CCNY: variants seen among roughly 807,000 people sequenced by gnomAD.
CCNY encodes cyclin-Y.
In CCNY, 19 loss-of-function variants were observed where a neutral mutation model predicts 42.8. The ratio of observed to expected loss-of-function variants is 0.44; its 90% CI spans 0.31 to 0.65. CCNY has a LOEUF of 0.65. Among genes scored for constraint, CCNY ranks in the 30% least tolerant of loss-of-function variants. The probability of loss-of-function intolerance (pLI) is 0.07; values close to 1 mark genes in which losing one functional copy is unlikely to be tolerated. For synonymous variants in CCNY, 165 were observed against 162.7 expected (o/e 1.01, Z -0.11); for missense variants, 370 against 437.3 (o/e 0.85, Z 1.37).
chr10:35,300,827 G>A (rs1056098705), intron 3 of CCNY, among the ~76,000 whole-genome samples: 2 of 151,934 alleles, frequency 1.3e-5, no homozygotes, highest in African/African-American at 4.8e-5. Flanking sequence ...TTTTTGAGAT[G>A]GAGTTTTGCT....
At chr10:35,457,362 A>G (rs1286221033) in intron 1 of CCNY, among the ~76,000 whole-genome samples, 1 of 151,988 alleles carries the variant, frequency 6.6e-6, no homozygotes, top group Non-Finnish European at 1.5e-5. Context: ...TTGTGGTCAT[A>G]TTGTCCACAG....
At position 35,433,530 on chromosome 10, in the gene CCNY, TGTTA is replaced by T. The variant is rs1475251050; in HGVS notation, c.155-49869_155-49866del. ...TGTTCCAAAGTAGAAAAATTAGATATGTTAGTTATTGTAAATAAAAAGATAAAAA... is the reference window on the plus strand; with the variant it reads ...TGTTCCAAAGTAGAAAAATTAGATATGTTATTGTAAATAAAAAGATAAAAA... On this transcript the variant is annotated intron_variant, in intron 1 of 9. Transcript: ENST00000374704. Among the ~76,000 whole-genome samples the T allele has an allele frequency of 2.6e-4, 40 of 152,330 alleles. No homozygotes were observed. In the Middle Eastern group the frequency reaches 0.01, roughly 39 times the overall value.
At chr10:35,520,419 A>C (rs1840524049) in intron 4 of CCNY, among the ~76,000 whole-genome samples, 1 of 151,990 alleles carries the variant, frequency 6.6e-6, no homozygotes, top group Non-Finnish European at 1.5e-5. Flanking sequence ...GTCCTCTTGC[A>C]CCCTACTCCA....
intron 3 of CCNY, among the ~76,000 whole-genome samples, chr10:35,255,160 T>C (rs929360426): frequency 2.0e-5 from 3 of 152,150 alleles, no homozygotes; most frequent in African/African-American, 7.2e-5. Context: ...AATCGTCTAT[T>C]TCCTTACTTA....
intron 3 of CCNY, among the ~76,000 whole-genome samples, chr10:35,254,586 A>C (rs2095714179): frequency 6.6e-6 from 1 of 152,076 alleles, no homozygotes; most frequent in Non-Finnish European, 1.5e-5. Context: ...TAGTCTCAGC[A>C]CTTTGGGAGG....
intron 1 of CCNY, among the ~76,000 whole-genome samples, chr10:35,426,216 C>T (rs1838269353): frequency 6.6e-6 from 1 of 151,022 alleles, no homozygotes; most frequent in African/African-American, 2.4e-5. Flanking sequence ...ACAACCCATT[C>T]ACAAGCATAC....
At chr10:35,352,715 C>T (rs759193666) in intron 1 of CCNY, among the ~76,000 whole-genome samples, 8 of 152,092 alleles carry the variant, frequency 5.3e-5, no homozygotes, top group Non-Finnish European at 1.0e-4. Context: ...GATTACAATA[C>T]GGTGTGTAGG....
intron 7 of CCNY, among the ~76,000 whole-genome samples, chr10:35,537,862 T>C (rs1339544866): frequency 6.6e-6 from 1 of 152,080 alleles, no homozygotes; most frequent in African/African-American, 2.4e-5. Flanking sequence ...TAGGGAGGCA[T>C]GATTGGTTTT....
chr10:35,299,657 G>T (rs1346849979), intron 3 of CCNY, among the ~76,000 whole-genome samples: 1 of 152,036 alleles, frequency 6.6e-6, no homozygotes, highest in Non-Finnish European at 1.5e-5. Context: ...GTATAAAGTG[G>T]ATTTCTTGTA....
intron 1 of CCNY, among the ~76,000 whole-genome samples, chr10:35,342,927 G>C (rs950059267): frequency 1.3e-5 from 2 of 151,538 alleles, no homozygotes; most frequent in African/African-American, 4.8e-5. Context: ...TTTGTTTCAA[G>C]AGATTCATAG....
chr10:35,443,976 C>T (rs1248993685), intron 1 of CCNY, among the ~76,000 whole-genome samples: 2 of 152,342 alleles, frequency 1.3e-5, no homozygotes, highest in African/African-American at 4.8e-5. Flanking sequence ...GTGGACGTGT[C>T]AGACTATAAA....
upstream of CCNY, chr10:35,336,406 C>T (rs533220909): frequency 0.016 from 2,403 of 152,108 alleles, 32 homozygotes; most frequent in Non-Finnish European, 0.027. Flanking sequence ...CGAACCTCCC[C>T]GCGGCCGCCG....
intron 1 of CCNY, among the ~76,000 whole-genome samples, chr10:35,387,435 T>A (rs533783290): frequency 1.2e-4 from 18 of 152,138 alleles, no homozygotes; most frequent in Non-Finnish European, 2.5e-4. Context: ...TGGGCCGCCA[T>A]GAGACTGCCT....
At chr10:35,292,781 G>GT (rs71033391) in intron 3 of CCNY, among the ~76,000 whole-genome samples, 7,202 of 108,844 alleles carry the variant, frequency 0.066, 297 homozygotes, top group Non-Finnish European at 0.077. Context: ...CTTTGTTTTT[G>GT]TTTTTTTTTT....
chr10:35,271,343 G>A (rs1390893494), intron 3 of CCNY, among the ~76,000 whole-genome samples: 1 of 152,140 alleles, frequency 6.6e-6, no homozygotes, highest in East Asian at 1.9e-4. Flanking sequence ...GGAGAAGCCT[G>A]AGAGTTAAAA....
At chr10:35,301,985 C>T (rs559488801) in intron 3 of CCNY, among the ~76,000 whole-genome samples, 77 of 150,982 alleles carry the variant, frequency 5.1e-4, no homozygotes, top group African/African-American at 1.8e-3. Context: ...TTTTTTGAGG[C>T]GGAGTTTTGC....
At chr10:35,480,015 G>C (rs2504363) in intron 1 of CCNY, among the ~76,000 whole-genome samples, 1 of 151,732 alleles carries the variant, frequency 6.6e-6, no homozygotes, top group Non-Finnish European at 1.5e-5. Context: ...TGTTCCCCAA[G>C]GAGGTAGAGT....
At chr10:35,431,563 T>A (rs529685087) in intron 1 of CCNY, among the ~76,000 whole-genome samples, 180 of 151,528 alleles carry the variant, frequency 1.2e-3, no homozygotes, top group South Asian at 3.6e-3. Context: ...GCTCTAACCT[T>A]TGAATTCTGT....
At chr10:35,383,951 A>G (rs1837247620) in intron 1 of CCNY, among the ~76,000 whole-genome samples, 1 of 150,754 alleles carries the variant, frequency 6.6e-6, no homozygotes, top group South Asian at 2.1e-4. Context: ...AATGAGAGTA[A>G]GAATATATAT....
Sources: gnomAD v4.1 joint callset for allele counts (sites outside exome capture counted in the v4.1 genomes callset) on GRCh38, gnomAD v4.1.1 for gene constraint, MANE v1.5 for transcripts, NCBI Gene and HGNC (gene_info 2026-07-23, HGNC 2026-07-21) for gene names.